The following CLVS2 variants were observed in gnomAD, a reference collection of about 807,000 sequenced individuals.
The protein encoded by CLVS2 is clavesin-2.
Under a neutral mutation model 29.0 loss-of-function variants are expected in CLVS2, and 19 were observed. The ratio of observed to expected loss-of-function variants is 0.66; its 90% confidence interval spans 0.46 to 0.96. The LOEUF (loss-of-function observed/expected upper bound fraction) is 0.96. CLVS2 is among the 40% of genes least tolerant of loss of function. CLVS2 has a pLI of 0.00. For missense variants in CLVS2, 294 were observed against 404.1 expected (o/e 0.73, Z 2.34); for synonymous variants, 161 against 151.3 (o/e 1.06, Z -0.47).
chr6:122,997,963 G>A lies in CLVS2; in HGVS notation c.186G>A (p.Lys62=). 3 of 1,614,150 alleles carry A rather than the reference G, an allele frequency of 1.9e-6. No individual in the cohort carries two copies. The highest frequency in any genetic ancestry group is 2.5e-6 in the Non-Finnish European group (3 of 1,179,996). The change falls in exon 2 of 6, where the codon AAG becomes AAA. Residue 62 remains lysine, a synonymous_variant. Transcript: ENST00000275162. ...AFILRFLRAR[K]FHHFEAFRLL... ...TCTTACGCTTCTTGCGGGCTAGGAA[G>A]TTTCATCACTTTGAGGCCTTCCGCC...
chr6:123,016,047 T>C (rs1271308239), intron 3 of CLVS2, among the ~76,000 whole-genome samples: 3 of 123,302 alleles, frequency 2.4e-5, no homozygotes, highest in African/African-American at 9.1e-5. Flanking sequence ...TTTTTTTTTT[T>C]TGTGGAAAGG....
chr6:122,997,734 G>A lies in CLVS2; in HGVS notation c.-44G>A. ...CAAGGACCAGGTTTGCTTTGGGACAGTCAACAAGGTCTTCTGAGGGAAAGC... is the reference window on the plus strand; with the variant it reads ...CAAGGACCAGGTTTGCTTTGGGACAATCAACAAGGTCTTCTGAGGGAAAGC... On this transcript the variant is annotated 5_prime_UTR_variant, in exon 2 of 6. Transcript: ENST00000275162. 1 of 1,591,458 alleles carries A rather than the reference G, an allele frequency of 6.3e-7. No homozygotes were observed. The highest frequency in any genetic ancestry group is 8.6e-7 in the Non-Finnish European group (1 of 1,169,120).
intron 3 of CLVS2, among the ~76,000 whole-genome samples, chr6:123,024,388 G>T (rs979935208): frequency 7.2e-5 from 11 of 152,048 alleles, no homozygotes; most frequent in African/African-American, 2.7e-4. Context: ...GAAGAGATTT[G>T]TATATACATG....
At chr6:123,050,566 G>A (rs1035156451) in intron 4 of CLVS2, among the ~76,000 whole-genome samples, 1 of 152,038 alleles carries the variant, frequency 6.6e-6, no homozygotes, top group East Asian at 1.9e-4. Flanking sequence ...ATGTCTTCAG[G>A]TAGAAACACA....
chr6:122,998,882 T>C (rs1406106733), intron 2 of CLVS2, among the ~76,000 whole-genome samples: 1 of 141,016 alleles, frequency 7.1e-6, no homozygotes, highest in African/African-American at 2.5e-5. Context: ...AAGTGGAAAA[T>C]ATTCAGATGT....
intron 3 of CLVS2, among the ~76,000 whole-genome samples, chr6:123,025,828 G>A (rs1405125077): frequency 5.3e-5 from 8 of 152,118 alleles, no homozygotes; most frequent in Non-Finnish European, 8.8e-5. Context: ...CTGCATCATA[G>A]TTGAATGTCT....
At chr6:123,049,007 A>G (rs1354640136) in intron 4 of CLVS2, among the ~76,000 whole-genome samples, 1 of 152,196 alleles carries the variant, frequency 6.6e-6, no homozygotes, top group East Asian at 1.9e-4. Context: ...GGCCAAAAAA[A>G]ACTCTTATGC....
Position 123,069,781 on chromosome 6 carries a change from G to T in CLVS2, c.*6020G>T, listed in dbSNP as rs1169702708. On this transcript the variant is annotated 3_prime_UTR_variant, in exon 6 of 6. Coordinates refer to ENST00000275162, the MANE Select transcript of CLVS2 (RefSeq NM_001010852.4). ...CTACTCGAAGAGGCCATGGGGAAGT[G>T]ATGGTCAAATCTCTGTTGTGAAGCA... 6.6e-6 allele frequency: 1 copy of T among 151,824 alleles called. No individual in the cohort carries two copies. The highest frequency in any genetic ancestry group is 2.4e-5 in the African/African-American group (1 of 41,392). The allele number at this position is 151,824 out of a possible 1,614,324, so 9.4% of individuals were successfully genotyped here.
chr6:123,036,368 T>C (rs1394675592), intron 3 of CLVS2, among the ~76,000 whole-genome samples: 1 of 152,184 alleles, frequency 6.6e-6, no homozygotes, highest in East Asian at 1.9e-4. Flanking sequence ...AATTAGAATC[T>C]ACTCCAATTA....
chr6:123,028,481 G>C (rs1354062515), intron 3 of CLVS2, among the ~76,000 whole-genome samples: 1 of 152,178 alleles, frequency 6.6e-6, no homozygotes, highest in Admixed American at 6.5e-5. Context: ...GCAGCATAGT[G>C]AGAACTTGTC....
intron 2 of CLVS2, among the ~76,000 whole-genome samples, chr6:123,006,344 G>C (rs1774667430): frequency 6.6e-6 from 1 of 152,174 alleles, no homozygotes; most frequent in African/African-American, 2.4e-5. Context: ...TAAGGGAATG[G>C]TGCAGTTTTG....
chr6:123,021,333 G>T (rs1774917725), intron 3 of CLVS2, among the ~76,000 whole-genome samples: 1 of 151,894 alleles, frequency 6.6e-6, no homozygotes, highest in South Asian at 2.1e-4. Context: ...CTCTGTAAAA[G>T]ATTTTATTAC....
intron 2 of CLVS2, among the ~76,000 whole-genome samples, chr6:123,010,445 C>G (rs1192406136): frequency 3.3e-5 from 5 of 151,970 alleles, no homozygotes; most frequent in Non-Finnish European, 7.4e-5. Flanking sequence ...TGACTTTTCC[C>G]ACTTTTATTT....
chr6:123,034,895 GA>G (rs916069335), intron 3 of CLVS2, among the ~76,000 whole-genome samples: 16 of 151,422 alleles, frequency 1.1e-4, no homozygotes, highest in South Asian at 4.2e-4. Flanking sequence ...ATTTCAAAAT[GA>G]AAAAAAATAA....
At chr6:123,044,965 T>C (rs1414885102) in intron 3 of CLVS2, among the ~76,000 whole-genome samples, 2 of 152,206 alleles carry the variant, frequency 1.3e-5, no homozygotes, top group Non-Finnish European at 2.9e-5. Context: ...GTGGTTAATA[T>C]GGTAACCCTG....
rs955768540 is a variant in CLVS2 at position 123,048,557 on chromosome 6, C to T, written c.565-65C>T. On this transcript the variant is annotated intron_variant, in intron 3 of 5. Transcript: ENST00000275162. The stretch of plus-strand genomic sequence containing the variant: ...AGAATAAATTTGTATACCATATAAC[C>T]TTTCCTAAACCTTCTCAGTCTATTA... The T allele has an allele frequency of 2.8e-6, 3 of 1,081,072 alleles. No homozygotes were observed. The Admixed American group carries it at 5.2e-5, about 19-fold the overall frequency. The allele number at this position is 1,081,072 out of a possible 1,614,324, so 67.0% of individuals were successfully genotyped here.
chr6:123,006,357 A>G (rs1029215310), intron 2 of CLVS2, among the ~76,000 whole-genome samples: 17 of 152,188 alleles, frequency 1.1e-4, no homozygotes, highest in Admixed American at 3.9e-4. Context: ...CAGTTTTGAA[A>G]GAGCCATGGG....
At chr6:123,043,000 T>C (rs1479442953) in intron 3 of CLVS2, among the ~76,000 whole-genome samples, 2 of 152,090 alleles carry the variant, frequency 1.3e-5, no homozygotes, top group Non-Finnish European at 1.5e-5. Context: ...TTCAAACACA[T>C]CTGAAGGAAG....
intron 5 of CLVS2, among the ~76,000 whole-genome samples, chr6:123,058,841 A>G (rs372815310): frequency 6.6e-6 from 1 of 151,960 alleles, no homozygotes; most frequent in East Asian, 1.9e-4. Flanking sequence ...ATTTTTTTGT[A>G]GAGACCAGGT....
Sources: gnomAD v4.1 joint callset for allele counts (sites outside exome capture counted in the v4.1 genomes callset) on GRCh38, gnomAD v4.1.1 for gene constraint, MANE v1.5 for transcripts, NCBI Gene and HGNC (gene_info 2026-07-23, HGNC 2026-07-21) for gene names.